SLC1A3: variants seen among roughly 807,000 people sequenced by gnomAD.
SLC1A3 encodes solute carrier family 1 member 3, also known as excitatory amino acid transporter 1.
Under a neutral mutation model 48.1 loss-of-function variants are expected in SLC1A3, and 21 were observed. The ratio of observed to expected loss-of-function variants is 0.44; its 90% CI spans 0.31 to 0.63. The LOEUF is 0.63. SLC1A3 is among the 20% of genes least tolerant of loss of function. SLC1A3 has a pLI of 0.08. For missense variants in SLC1A3, 546 were observed against 689.0 expected, an observed-to-expected ratio of 0.79 and a Z score of 2.32; for synonymous variants, 239 against 251.4, an observed-to-expected ratio of 0.95 and a Z score of 0.47.
At chr5:36,663,488 G>C (rs1741605150) in intron 3 of SLC1A3, among the ~76,000 whole-genome samples, 1 of 146,834 alleles carries the variant, frequency 6.8e-6, no homozygotes, top group African/African-American at 2.5e-5. Flanking sequence ...TGATCCACCT[G>C]CCTCAGCCTC....
Position 36,608,607 on chromosome 5 carries a change from G to T in SLC1A3, c.181+3G>T, listed in dbSNP as rs749639707. 1 of 1,606,046 alleles carries T rather than the reference G, an allele frequency of 6.2e-7. No homozygotes were observed. Among genetic ancestry groups the T allele is most frequent in the South Asian group, 1.1e-5 (1 of 90,460 alleles). On this transcript the variant is annotated splice_donor_region_variant and intron_variant, in intron 2 of 9. Coordinates refer to ENST00000265113, the MANE Select transcript of SLC1A3 (RefSeq NM_004172.5). ...CACAGTCACCGCTGTCATTGTGGGT[G>T]AGTCATTTGATTAAAAACAAAAAAA...
chr5:36,674,135 T>C, intron 5 of SLC1A3, 44 bp downstream of exon 5: 1 of 1,519,108 alleles, frequency 6.6e-7, no homozygotes, highest in Non-Finnish European at 9.1e-7. Flanking sequence ...AATTCCTCTT[T>C]TCTATACCAA....
At chr5:36,683,826 TG>T in intron 8 of SLC1A3, 37 bp from the exon 9 acceptor site, 7 of 1,613,912 alleles carry the variant, frequency 4.3e-6, no homozygotes, top group Non-Finnish European at 5.9e-6. Context: ...TGGGGAGCTT[TG>T]TAAAAGTGTT....
intron 6 of SLC1A3, among the ~76,000 whole-genome samples, chr5:36,677,671 TAGG>T (rs1028879973): frequency 6.6e-6 from 1 of 152,202 alleles, no homozygotes; most frequent in Non-Finnish European, 1.5e-5. Context: ...TGCAGGTAAC[TAGG>T]AGAAGGCACA....
At chr5:36,624,150 AT>A (rs2111732677) in intron 2 of SLC1A3, among the ~76,000 whole-genome samples, 1 of 152,340 alleles carries the variant, frequency 6.6e-6, no homozygotes. Flanking sequence ...CTGATGAAAA[AT>A]GACTTTTGTT....
At position 36,639,829 on chromosome 5, in the gene SLC1A3, C is replaced by T. The variant is rs533892876; in HGVS notation, c.319+10242C>T. 6.0e-4 allele frequency among the ~76,000 whole-genome samples: 91 copies of T among 152,310 alleles called. 1 individual carries two copies. Among genetic ancestry groups the T allele is most frequent in the African/African-American group, 2.0e-3 (84 of 41,566 alleles). ...TAAGGGAAAACATGAAAGTACGCTG[C>T]GCATGCACGCACGCACACACACTCA... On this transcript the variant is annotated intron_variant, in intron 3 of 9. Transcript: ENST00000265113.
At chr5:36,647,603 T>C (rs896168973) in intron 3 of SLC1A3, among the ~76,000 whole-genome samples, 1 of 152,322 alleles carries the variant, frequency 6.6e-6, no homozygotes, top group South Asian at 2.1e-4. Context: ...CACATTTTGT[T>C]TTGCCATTCC....
intron 2 of SLC1A3, chr5:36,609,089 T>A: frequency 1.0e-6 from 1 of 988,122 alleles, no homozygotes. Context: ...ACCGAATATT[T>A]TATGTGTTTG....
chr5:36,677,114 G>C lies in SLC1A3; in HGVS notation c.790G>C (p.Gly264Arg), dbSNP rs1321273912. The C allele has an allele frequency of 6.2e-7, 1 of 1,614,012 alleles. No individual in the cohort carries two copies. Among genetic ancestry groups the C allele is most frequent in the African/African-American group, 1.3e-5 (1 of 74,916 alleles). Residue 264 changes from glycine (G) to arginine (R), a missense_variant, in exon 6 of 10, where the codon GGG (glycine) becomes CGG (arginine). This residue lies in a region of SLC1A3 where 348 missense variants were observed against 392.0 expected (regional missense o/e 0.89). Coordinates refer to ENST00000265113, the MANE Select transcript of SLC1A3 (RefSeq NM_004172.5). ...TGTGATTGGAAACATGAAGGAACAG[G>C]GGCAGGCCCTGAGAGAGTTCTTTGA... ...GFVIGNMKEQ[G>R]QALREFFDSL...
At chr5:36,660,216 T>C (rs921584661) in intron 3 of SLC1A3, among the ~76,000 whole-genome samples, 3 of 152,138 alleles carry the variant, frequency 2.0e-5, no homozygotes, top group Non-Finnish European at 4.4e-5. Flanking sequence ...TACCAACCCG[T>C]CTCATGCAAC....
intron 3 of SLC1A3, chr5:36,636,262 G>A (rs905736695): frequency 1.3e-5 from 2 of 152,122 alleles, no homozygotes; most frequent in Admixed American, 1.3e-4. Flanking sequence ...GGCGTTCAAC[G>A]TCTGGTTGGG....
At position 36,608,555 on chromosome 5, in the gene SLC1A3, C is replaced by T. The variant is rs1290080090; in HGVS notation, c.132C>T (p.Tyr44=). 2 of 1,614,020 alleles carry T rather than the reference C, an allele frequency of 1.2e-6. No homozygotes were observed. The highest frequency in any genetic ancestry group is 2.2e-5 in the South Asian group (2 of 91,074). ...TTACAAAGGAGGATGTTAAAAGTTA[C>T]CTGTTTCGGAATGCTTTTGTGCTGC... The part of the protein sequence containing the change: ...QNITKEDVKS[Y]LFRNAFVLLT... The change falls in exon 2 of 10, where the codon TAC becomes TAT. Residue 44 remains tyrosine (Y), a synonymous_variant. Coordinates refer to ENST00000265113, the MANE Select transcript of SLC1A3 (RefSeq NM_004172.5).
At chr5:36,633,263 C>T (rs904611051) in intron 3 of SLC1A3, among the ~76,000 whole-genome samples, 1 of 152,134 alleles carries the variant, frequency 6.6e-6, no homozygotes, top group Non-Finnish European at 1.5e-5. Context: ...AGTGTGCATT[C>T]CCCCTCAATC....
chr5:36,655,632 A>C (rs1741255274), intron 3 of SLC1A3, among the ~76,000 whole-genome samples: 1 of 152,232 alleles, frequency 6.6e-6, no homozygotes, highest in Admixed American at 6.5e-5. Context: ...TTTCCAACTC[A>C]TGCACTAAAG....
chr5:36,613,665 C>A (rs1739300850), intron 2 of SLC1A3, among the ~76,000 whole-genome samples: 1 of 152,170 alleles, frequency 6.6e-6, no homozygotes, highest in Admixed American at 6.5e-5. Context: ...TTCAACACTT[C>A]TTGGAAATGA....
intron 3 of SLC1A3, among the ~76,000 whole-genome samples, chr5:36,644,848 G>A (rs1046960616): frequency 2.0e-5 from 3 of 152,132 alleles, no homozygotes; most frequent in Non-Finnish European, 2.9e-5. Flanking sequence ...TTCCTCAGCC[G>A]CCCCTGTGGT....
At chr5:36,647,832 TTA>T (rs1348138320) in intron 3 of SLC1A3, among the ~76,000 whole-genome samples, 1 of 152,242 alleles carries the variant, frequency 6.6e-6, no homozygotes, top group African/African-American at 2.4e-5. Flanking sequence ...AAAGTCAAAA[TTA>T]TTAGGCTTTA....
At chr5:36,670,700 C>T (rs1741954015) in intron 3 of SLC1A3, 1 of 408,916 alleles carries the variant, frequency 2.4e-6, no homozygotes, top group South Asian at 2.1e-5. Flanking sequence ...ACACTCATAG[C>T]TTCCCCAACT....
At chr5:36,662,708 T>G (rs1407511640) in intron 3 of SLC1A3, among the ~76,000 whole-genome samples, 1 of 152,210 alleles carries the variant, frequency 6.6e-6, no homozygotes, top group Non-Finnish European at 1.5e-5. Context: ...ATTTCGGAGC[T>G]GCCCCTTCTG....
Sources: gnomAD v4.1 joint callset for allele counts (sites outside exome capture counted in the v4.1 genomes callset) on GRCh38, gnomAD v4.1.1 for gene constraint, gnomAD v4.1.1 regional missense constraint, MANE v1.5 for transcripts, NCBI Gene and HGNC (gene_info 2026-07-23, HGNC 2026-07-21) for gene names.